Variants in THSD4 observed in about 807,000 individuals in gnomAD.
THSD4 encodes thrombospondin type 1 domain containing 4, also known as thrombospondin type-1 domain-containing protein 4.
A neutral mutation model predicts 119.0 loss-of-function variants in THSD4; 69 were observed. The ratio of observed to expected loss-of-function variants is 0.58; its 90% confidence interval spans 0.48 to 0.71. The LOEUF is 0.71. Ranked by LOEUF, THSD4 falls within the 30% of genes least tolerant of loss-of-function variation. THSD4 has a pLI of 0.00. For missense variants in THSD4, 1,393 were observed against 1,391.1 expected, an observed-to-expected ratio of 1.00 and a Z score of -0.02; for synonymous variants, 524 against 540.4, an observed-to-expected ratio of 0.97 and a Z score of 0.42.
In THSD4 at chr15:71,777,434, C is replaced by T. The variant is rs536507710; in HGVS notation, c.*60C>T. On this transcript the variant is annotated 3_prime_UTR_variant, in exon 18 of 18. Coordinates refer to ENST00000261862, the MANE Select transcript of THSD4 (RefSeq NM_024817.3). ...TGCCTTCCCGGGGGCTTCAGCAGTG[C>T]GCCTGGCTGGCTGCTGCTCCACCAC... 1.5e-5 allele frequency: 23 copies of T among 1,552,792 alleles called. No individual in the cohort carries two copies. The African/African-American group carries it at 1.6e-4, about 11-fold the overall frequency.
At chr15:71,097,431 T>C (rs1000505941) in intron 1 of THSD4, among the ~76,000 whole-genome samples, 1 of 151,924 alleles carries the variant, frequency 6.6e-6, no homozygotes, top group Non-Finnish European at 1.5e-5. Context: ...CAGACAGTGG[T>C]GGCGTATGCC....
chr15:71,123,334 A>C (rs1173450170), intron 1 of THSD4, among the ~76,000 whole-genome samples: 3 of 152,212 alleles, frequency 2.0e-5, no homozygotes, highest in Non-Finnish European at 4.4e-5. Context: ...TGTGAATTCC[A>C]GACCTGACTC....
chr15:71,343,815 T>A (rs931088336), intron 6 of THSD4, among the ~76,000 whole-genome samples: 2 of 150,108 alleles, frequency 1.3e-5, no homozygotes, highest in African/African-American at 4.9e-5. Context: ...CAGGCTCAGA[T>A]GATCGTCCTA....
Position 71,506,673 on chromosome 15 carries a change from A to G in THSD4, c.1152+94850A>G, listed in dbSNP as rs370476118. ...CTTGCGTAAAGGATCAGATGATCCCATTGTATCCCACAATTCCATTTCCAC... is the reference window on the plus strand; with the variant it reads ...CTTGCGTAAAGGATCAGATGATCCCGTTGTATCCCACAATTCCATTTCCAC... On this transcript the variant is annotated intron_variant, in intron 7 of 17. Coordinates refer to ENST00000261862, the MANE Select transcript of THSD4 (RefSeq NM_024817.3). Among the ~76,000 whole-genome samples, 27 of 152,064 alleles carry G rather than the reference A, an allele frequency of 1.8e-4. 2 individuals are homozygous for G. Among genetic ancestry groups the G allele is most frequent in the African/African-American group, 6.5e-4 (27 of 41,296 alleles).
intron 11 of THSD4, among the ~76,000 whole-genome samples, chr15:71,740,012 CT>C (rs2053205295): frequency 6.6e-6 from 1 of 151,890 alleles, no homozygotes; most frequent in East Asian, 1.9e-4. Flanking sequence ...GTCTTTGGTT[CT>C]TCTTGGGGGC....
At chr15:71,306,393 A>C in intron 6 of THSD4, among the ~76,000 whole-genome samples, 1 of 150,890 alleles carries the variant, frequency 6.6e-6, no homozygotes, top group South Asian at 2.1e-4. Context: ...TATCTTACTA[A>C]ACTATTTTAT....
intron 3 of THSD4, among the ~76,000 whole-genome samples, chr15:71,209,242 A>G (rs11635138): frequency 0.021 from 3,144 of 152,300 alleles, 60 homozygotes; most frequent in Non-Finnish European, 0.033. Context: ...GACATGTTAG[A>G]TGCCTTACCT....
intron 6 of THSD4, among the ~76,000 whole-genome samples, chr15:71,351,960 G>T (rs531650704): frequency 1.3e-5 from 2 of 152,176 alleles, no homozygotes; most frequent in Non-Finnish European, 2.9e-5. Context: ...CACTTTGCCT[G>T]CCCTGGTTCT....
At chr15:71,504,300 A>G (rs140140982) in intron 7 of THSD4, among the ~76,000 whole-genome samples, 117 of 152,320 alleles carry the variant, frequency 7.7e-4, no homozygotes, top group African/African-American at 2.7e-3. Context: ...GAAATCCATG[A>G]GGGAATGAAT....
At chr15:71,311,995 C>A (rs760265438) in intron 6 of THSD4, among the ~76,000 whole-genome samples, 2 of 152,294 alleles carry the variant, frequency 1.3e-5, no homozygotes, top group Middle Eastern at 3.4e-3. Flanking sequence ...GCACTGAAGG[C>A]AGTTATCTTT....
At chr15:71,459,384 C>CTCTGTCTCTCTG (rs1555416119) in intron 7 of THSD4, among the ~76,000 whole-genome samples, 1 of 133,466 alleles carries the variant, frequency 7.5e-6, no homozygotes, top group South Asian at 2.6e-4. Context: ...CTCTCTGTCT[C>CTCTGTCTCTCTG]TCTCTCTCTC....
intron 8 of THSD4, among the ~76,000 whole-genome samples, chr15:71,705,647 G>A (rs577806361): frequency 6.6e-6 from 1 of 152,250 alleles, no homozygotes; most frequent in South Asian, 2.1e-4. Flanking sequence ...CCTGTGTCAG[G>A]ACAGCAGCCA....
chr15:71,211,447 C>G (rs191504106), intron 3 of THSD4, among the ~76,000 whole-genome samples: 29 of 152,114 alleles, frequency 1.9e-4, no homozygotes, highest in Non-Finnish European at 2.9e-4. Flanking sequence ...GGGAGTGGGG[C>G]TAAGAGAGAG....
intron 7 of THSD4, among the ~76,000 whole-genome samples, chr15:71,552,144 A>T (rs1272668762): frequency 6.6e-6 from 1 of 152,258 alleles, no homozygotes; most frequent in African/African-American, 2.4e-5. Context: ...TGCATAGTTC[A>T]GATCACAGAA....
In THSD4 at chr15:71,507,343, A is replaced by G. The variant is rs184396514; in HGVS notation, c.1152+95520A>G. 3.1e-3 allele frequency among the ~76,000 whole-genome samples: 476 copies of G among 152,192 alleles called. 5 individuals carry two copies. The highest frequency in any genetic ancestry group is 0.011 in the African/African-American group (462 of 41,528). On this transcript the variant is annotated intron_variant, in intron 7 of 17. Transcript: ENST00000261862. The stretch of plus-strand genomic sequence containing the variant: ...GGTGTCAAATTATATTCCAGGAACC[A>G]ATTTGGGTTTTCCTGGCTTCTGGTT...
intron 6 of THSD4, among the ~76,000 whole-genome samples, chr15:71,396,148 A>G (rs1566968479): frequency 6.6e-6 from 1 of 152,186 alleles, no homozygotes; most frequent in Non-Finnish European, 1.5e-5. Flanking sequence ...ATATACATGT[A>G]TACATACATG....
intron 6 of THSD4, among the ~76,000 whole-genome samples, chr15:71,353,462 T>A (rs763086869): frequency 2.0e-5 from 3 of 152,218 alleles, no homozygotes; most frequent in Non-Finnish European, 2.9e-5. Context: ...ACACCTAAAC[T>A]GTGGTTTCCT....
chr15:71,742,951 A>G (rs2053264229), intron 11 of THSD4, among the ~76,000 whole-genome samples: 1 of 152,204 alleles, frequency 6.6e-6, no homozygotes, highest in African/African-American at 2.4e-5. Flanking sequence ...GCTACTTGAG[A>G]GGCTGAAGCA....
chr15:71,712,928 C>T (rs868010), intron 8 of THSD4, among the ~76,000 whole-genome samples: 107,672 of 152,062 alleles, frequency 0.71, 43,985 homozygotes, highest in South Asian at 0.93. Flanking sequence ...GGACGAACGA[C>T]TGGGGAAGGG....
Sources: allele counts gnomAD v4.1 joint callset (sites outside exome capture counted in the v4.1 genomes callset), GRCh38; gene constraint gnomAD v4.1.1; transcripts MANE v1.5; gene names NCBI Gene and HGNC (gene_info 2026-07-23, HGNC 2026-07-21).